The following TBC1D4 variants were observed in gnomAD, a reference collection of about 807,000 sequenced individuals.
TBC1D4 encodes TBC (Tre-2, BUB2, CDC16) domain-containing protein.
Under a neutral mutation model 142.5 loss-of-function variants are expected in TBC1D4, and 121 were observed. That is an observed-to-expected ratio of 0.85 (90% CI 0.73 to 0.99). The LOEUF (loss-of-function observed/expected upper bound fraction) is 0.99. Ranked by LOEUF, TBC1D4 falls within the 50% of genes least tolerant of loss-of-function variation. The pLI is 0.00. For synonymous variants in TBC1D4, 630 were observed against 628.2 expected, an observed-to-expected ratio of 1.00 and a Z score of -0.04; for missense variants, 1,475 against 1,606.6, an observed-to-expected ratio of 0.92 and a Z score of 1.40.
intron 1 of TBC1D4, among the ~76,000 whole-genome samples, chr13:75,369,583 C>T (rs1883114495): frequency 6.6e-6 from 1 of 152,086 alleles, no homozygotes; most frequent in East Asian, 1.9e-4. Flanking sequence ...TAGAAAGGTA[C>T]ACATCATGCT....
chr13:75,347,613 A>T (rs144751644), intron 5 of TBC1D4, among the ~76,000 whole-genome samples: 127 of 152,294 alleles, frequency 8.3e-4, no homozygotes, highest in African/African-American at 2.9e-3. Context: ...ACTTTGATCC[A>T]TCTAGCATGT....
rs768212349 is a variant in TBC1D4 at position 75,302,400 on chromosome 13, T to G, written c.2754A>C (p.Gly918=). 1.9e-6 allele frequency: 3 copies of G among 1,614,112 alleles called. No homozygotes were observed. Among genetic ancestry groups the G allele is most frequent in the Non-Finnish European group, 2.5e-6 (3 of 1,180,012 alleles). ...MEDIHTLLKE[G]VPKSRRGEIW... Reference sequence around the variant, plus strand: ...TTTCTCCTCGTCGACTTTTGGGAACTCCTACAATGAAGGAGATAAATAACC... The same window carrying G: ...TTTCTCCTCGTCGACTTTTGGGAACGCCTACAATGAAGGAGATAAATAACC... The change falls in exon 16 of 21, where the codon GGA becomes GGC. Residue 918 remains glycine, a splice_region_variant and synonymous_variant. Coordinates refer to ENST00000377636, the MANE Select transcript of TBC1D4 (RefSeq NM_014832.5).
intron 1 of TBC1D4, among the ~76,000 whole-genome samples, chr13:75,367,768 T>C (rs1052831688): frequency 1.3e-5 from 2 of 152,176 alleles, no homozygotes; most frequent in South Asian, 2.1e-4. Flanking sequence ...GGGGATGATG[T>C]TGAAAGCGTA....
intron 16 of TBC1D4, among the ~76,000 whole-genome samples, chr13:75,301,192 G>A (rs1043081603): frequency 1.3e-5 from 2 of 152,012 alleles, no homozygotes; most frequent in Admixed American, 1.3e-4. Flanking sequence ...ACTTTTAGGA[G>A]TACAAATAAA....
intron 1 of TBC1D4, among the ~76,000 whole-genome samples, chr13:75,435,327 C>CA (rs34114903): frequency 0.49 from 59,869 of 121,814 alleles, 16,196 homozygotes; most frequent in African/African-American, 0.8. Flanking sequence ...GATTCTGTCT[C>CA]AAAAAAAAAA....
chr13:75,431,881 A>G (rs1469540497), intron 1 of TBC1D4, among the ~76,000 whole-genome samples: 1 of 152,194 alleles, frequency 6.6e-6, no homozygotes, highest in African/African-American at 2.4e-5. Flanking sequence ...GTTACCTATT[A>G]AGAAATATTG....
chr13:75,350,210 C>T (rs1196573823), intron 4 of TBC1D4, among the ~76,000 whole-genome samples: 1 of 152,150 alleles, frequency 6.6e-6, no homozygotes, highest in African/African-American at 2.4e-5. Context: ...GGGCCTCATC[C>T]GAACTAGCTT....
chr13:75,338,938 T>G lies in TBC1D4; in HGVS notation c.1612-1898A>C, dbSNP rs142535092. 3.5e-3 allele frequency among the ~76,000 whole-genome samples: 527 copies of G among 152,324 alleles called. 5 individuals carry two copies. The highest frequency in any genetic ancestry group is 0.012 in the African/African-American group (498 of 41,574). On this transcript the variant is annotated intron_variant, in intron 7 of 20. Coordinates refer to ENST00000377636, the MANE Select transcript of TBC1D4 (RefSeq NM_014832.5). ...CAGATTCTTCCAGCCAGTCACTAAG[T>G]CCTAATGATTATGCCGCCTAAATAG...
In TBC1D4 at chr13:75,312,748, C is replaced by G; in HGVS notation, c.2373G>C (p.Met791Ile). Reference protein sequence around the residue: ...ASPMNKSPSAMQQQDGLDRNE... With the variant: ...ASPMNKSPSAIQQQDGLDRNE... The stretch of plus-strand genomic sequence containing the variant: ...GAGTGCAACACAGACCTTGCTGTTG[C>G]ATTGCTGAGGGAGATTTGTTCATGG... The change falls in exon 13 of 21, where the codon ATG (methionine) becomes ATC (isoleucine). Residue 791 changes from methionine (M) to isoleucine (I), a missense_variant. Physicochemically the swap from Met to Ile is conservative, Grantham distance 10. Coordinates refer to ENST00000377636, the MANE Select transcript of TBC1D4 (RefSeq NM_014832.5). 1 of 1,614,164 alleles carries G rather than the reference C, an allele frequency of 6.2e-7. No individual in the cohort carries two copies. Among genetic ancestry groups the G allele is most frequent in the Non-Finnish European group, 8.5e-7 (1 of 1,180,024 alleles).
intron 1 of TBC1D4, among the ~76,000 whole-genome samples, chr13:75,435,596 T>G (rs553894420): frequency 6.6e-6 from 1 of 152,322 alleles, no homozygotes; most frequent in East Asian, 1.9e-4. Context: ...CATACATATA[T>G]TTCATATATC....
At chr13:75,376,087 TAA>T (rs1199172958) in intron 1 of TBC1D4, 1 of 152,154 alleles carries the variant, frequency 6.6e-6, no homozygotes, top group Admixed American at 6.5e-5. Context: ...TCAAAATATT[TAA>T]GTTACGTATT....
intron 8 of TBC1D4, among the ~76,000 whole-genome samples, chr13:75,328,525 C>A (rs1484968113): frequency 6.6e-6 from 1 of 152,116 alleles, no homozygotes; most frequent in East Asian, 1.9e-4. Flanking sequence ...CTGTTCCCCC[C>A]TCACTTTAAA....
chr13:75,431,112 C>G (rs1267706594), intron 1 of TBC1D4, among the ~76,000 whole-genome samples: 2 of 152,132 alleles, frequency 1.3e-5, no homozygotes, highest in Non-Finnish European at 2.9e-5. Flanking sequence ...TTTACAACAG[C>G]TGTACTAAAT....
At chr13:75,440,739 CT>C (rs575270198) in intron 1 of TBC1D4, among the ~76,000 whole-genome samples, 215 of 139,468 alleles carry the variant, frequency 1.5e-3, no homozygotes, top group East Asian at 6.7e-3. Flanking sequence ...TTATTTGTTT[CT>C]TTTTTTTTTT....
chr13:75,480,888 C>A (rs1465540657), intron 1 of TBC1D4, among the ~76,000 whole-genome samples: 2 of 118,236 alleles, frequency 1.7e-5, no homozygotes, highest in African/African-American at 2.5e-5. Context: ...CACACACACA[C>A]ACACACACAC....
intron 16 of TBC1D4, among the ~76,000 whole-genome samples, chr13:75,301,903 CATTG>C (rs1038294931): frequency 1.3e-5 from 2 of 152,146 alleles, no homozygotes; most frequent in African/African-American, 2.4e-5. Flanking sequence ...TCAAAACCAG[CATTG>C]ATTAAGATAC....
intron 1 of TBC1D4, 75 bp downstream of exon 1, chr13:75,481,195 T>TC: frequency 8.7e-5 from 113 of 1,292,690 alleles, no homozygotes; most frequent in Non-Finnish European, 1.1e-4. Context: ...TAAAGTGGGG[T>TC]CCCCGCCCCT....
At chr13:75,331,772 G>A (rs891629474) in intron 8 of TBC1D4, among the ~76,000 whole-genome samples, 4 of 147,612 alleles carry the variant, frequency 2.7e-5, no homozygotes, top group African/African-American at 5.0e-5. Flanking sequence ...ATATTTTGAT[G>A]TTTAAAAATG....
chr13:75,457,856 C>A (rs549132612), intron 1 of TBC1D4, among the ~76,000 whole-genome samples: 2 of 152,304 alleles, frequency 1.3e-5, no homozygotes, highest in South Asian at 2.1e-4. Flanking sequence ...ATGGGTCTTA[C>A]AACAGGGGTG....
Sources: gnomAD v4.1 joint callset for allele counts (sites outside exome capture counted in the v4.1 genomes callset) on GRCh38, gnomAD v4.1.1 for gene constraint, MANE v1.5 for transcripts, NCBI Gene and HGNC (gene_info 2026-07-23, HGNC 2026-07-21) for gene names.